Variants in BCAS3 observed in about 807,000 individuals in gnomAD.
BCAS3 encodes BCAS4/BCAS3 fusion.
Under a neutral mutation model 116.1 loss-of-function variants are expected in BCAS3, and 53 were observed. The observed-to-expected ratio is 0.46, with a 90% CI of 0.37 to 0.57. The LOEUF (loss-of-function observed/expected upper bound fraction) is 0.57, where lower values mean the gene tolerates loss of function less well. Among genes scored for constraint, BCAS3 ranks in the 20% least tolerant of loss-of-function variants. The probability of loss-of-function intolerance (pLI) is 0.00; values close to 1 mark genes in which losing one functional copy is unlikely to be tolerated. For missense variants in BCAS3, 917 were observed against 1,165.4 expected (o/e 0.79, Z 3.10); for synonymous variants, 391 against 408.2 (o/e 0.96, Z 0.51).
At chr17:60,881,076 G>A (rs531104796) in intron 9 of BCAS3, among the ~76,000 whole-genome samples, 1 of 152,282 alleles carries the variant, frequency 6.6e-6, no homozygotes, top group African/African-American at 2.4e-5. Context: ...CTGGGTTCAC[G>A]CCATTCTCCT....
intron 7 of BCAS3, among the ~76,000 whole-genome samples, chr17:60,819,096 A>G (rs1430326522): frequency 6.6e-6 from 1 of 152,162 alleles, no homozygotes; most frequent in East Asian, 1.9e-4. Flanking sequence ...GTTTTTTATA[A>G]TATGTCTTAA....
At chr17:61,223,238 A>G (rs763740680) in intron 22 of BCAS3, among the ~76,000 whole-genome samples, 9 of 140,682 alleles carry the variant, frequency 6.4e-5, no homozygotes, top group African/African-American at 1.7e-4. Flanking sequence ...GCTCACTGCA[A>G]CCTCCACCTC....
Position 61,026,568 on chromosome 17 carries a change from A to G in BCAS3, c.1638-8098A>G, listed in dbSNP as rs1204732802. 6.6e-6 allele frequency among the ~76,000 whole-genome samples: 1 copy of G among 152,034 alleles called. No individual in the cohort carries two copies. Among genetic ancestry groups the G allele is most frequent in the African/African-American group, 2.4e-5 (1 of 41,448 alleles). ...CCATTTAACTTATACCTTGTTTTAA[A>G]GGGCTTCAGCAGTGAATTTTATTTT... is the stretch of plus-strand genomic sequence containing the variant. On this transcript the variant is annotated intron_variant, in intron 16 of 23. Transcript: ENST00000407086. This position sits in a 1 kb window ranked among gnomAD's most constrained non-coding sequence, Gnocchi z 5.0.
chr17:61,372,342 C>T (rs903363382), intron 23 of BCAS3, among the ~76,000 whole-genome samples: 7 of 152,162 alleles, frequency 4.6e-5, no homozygotes, highest in Non-Finnish European at 7.3e-5. Flanking sequence ...CGTCCTTAGG[C>T]GTATTTCTCA....
At chr17:60,805,989 A>G (rs2048242372) in intron 6 of BCAS3, among the ~76,000 whole-genome samples, 1 of 150,024 alleles carries the variant, frequency 6.7e-6, no homozygotes, top group African/African-American at 2.5e-5. Context: ...CCTCCCAAGT[A>G]GCTGGGATTA....
chr17:60,787,984 G>T (rs914641902), intron 6 of BCAS3, among the ~76,000 whole-genome samples: 10 of 151,606 alleles, frequency 6.6e-5, no homozygotes, highest in African/African-American at 2.4e-4. Context: ...AGAGTTGCCA[G>T]AAACAACAAA....
At chr17:60,894,605 C>T (rs780192413) in intron 10 of BCAS3, among the ~76,000 whole-genome samples, 1 of 152,060 alleles carries the variant, frequency 6.6e-6, no homozygotes, top group African/African-American at 2.4e-5. Context: ...AGTACTGTGT[C>T]GAATACGAGT....
rs1049797449 is a variant in BCAS3, at chr17:61,171,677, G to A, written c.2425+87113G>A. On this transcript the variant is annotated intron_variant, in intron 22 of 23. Transcript: ENST00000407086. The surrounding 1 kb of genome is among the most constrained non-coding windows in gnomAD (Gnocchi z 4.1). ...CGTCTGTTGCCAAGGCTGATATGCA[G>A]TGACATGATTACAGCTCACTGCAGC... 3.3e-5 allele frequency among the ~76,000 whole-genome samples: 5 copies of A among 151,958 alleles called. No individual in the cohort carries two copies. The highest frequency in any genetic ancestry group is 1.3e-4 in the Admixed American group (2 of 15,262).
rs1193053592 is a variant in BCAS3 at position 61,343,397 on chromosome 17, G to A, written c.2426-24930G>A. Among the ~76,000 whole-genome samples, 6 of 152,250 alleles carry A rather than the reference G, an allele frequency of 3.9e-5. No individual in the cohort carries two copies. The highest frequency in any genetic ancestry group is 1.4e-4 in the African/African-American group (6 of 41,464). On this transcript the variant is annotated intron_variant, in intron 22 of 23. Coordinates refer to ENST00000407086, the MANE Select transcript of BCAS3 (RefSeq NM_017679.5). This position sits in a 1 kb window ranked among gnomAD's most constrained non-coding sequence, Gnocchi z 5.5. ...TCAGGCAGACACACCGACCCAGGCA[G>A]GAGCAGCGATCTGGCCATGGTTTAT...
At chr17:60,845,884 A>G (rs1457002132) in intron 7 of BCAS3, among the ~76,000 whole-genome samples, 3 of 146,380 alleles carry the variant, frequency 2.0e-5, no homozygotes, top group Non-Finnish European at 4.5e-5. Flanking sequence ...CTCCCACCTC[A>G]GCATTCTGAG....
At chr17:60,752,293 G>A (rs11657383) in intron 6 of BCAS3, among the ~76,000 whole-genome samples, 110,183 of 151,768 alleles carry the variant, frequency 0.73, 45,636 homozygotes, top group South Asian at 0.97. Flanking sequence ...TATTGTATGG[G>A]TATTTATATT....
rs2079758845 is a variant in BCAS3, at chr17:61,186,108, T to C, written c.2425+101544T>C. On this transcript the variant is annotated intron_variant, in intron 22 of 23. Transcript: ENST00000407086. This position sits in a 1 kb window ranked among gnomAD's most constrained non-coding sequence, Gnocchi z 4.9. ...CCTAATAGCCAATTGCTTTGAAAAA[T>C]GTAGTCCATCTTCTCTTTCTAGTGC... Among the ~76,000 whole-genome samples the C allele has an allele frequency of 1.3e-5, 2 of 152,294 alleles. No homozygotes were observed. The highest frequency in any genetic ancestry group is 3.4e-3 in the Middle Eastern group (1 of 294).
At chr17:61,345,229 T>C (rs369666430) in intron 22 of BCAS3, among the ~76,000 whole-genome samples, 1 of 152,194 alleles carries the variant, frequency 6.6e-6, no homozygotes, top group Non-Finnish European at 1.5e-5. Context: ...TCCTGCCTGC[T>C]CTCATCAGAG....
At position 61,103,154 on chromosome 17, in the gene BCAS3, C is replaced by T. The variant is rs138967112; in HGVS notation, c.2425+18590C>T. Among the ~76,000 whole-genome samples the T allele has an allele frequency of 9.9e-5, 15 of 152,212 alleles. No homozygotes were observed. In the East Asian group the frequency reaches 1.9e-3, roughly 20 times the overall value. On this transcript the variant is annotated intron_variant, in intron 22 of 23. Transcript: ENST00000407086. ...ATCCCAGAAATTATTCTCTTGTACC[C>T]GCATCCCTACCATTCAGTTCTTCCC...
Position 61,261,360 on chromosome 17 carries a change from G to A in BCAS3, c.2426-106967G>A, listed in dbSNP as rs991738263. ...GAGTTCTGCTTATTCTCTGCTGCAG[G>A]ATGCTACCCCCTGACCCTTTATAAG... On this transcript the variant is annotated intron_variant, in intron 22 of 23. Transcript: ENST00000407086. This position sits in a 1 kb window ranked among gnomAD's most constrained non-coding sequence, Gnocchi z 4.4. Among the ~76,000 whole-genome samples the A allele has an allele frequency of 2.6e-5, 4 of 152,184 alleles. No individual in the cohort carries two copies. Among genetic ancestry groups the A allele is most frequent in the Non-Finnish European group, 5.9e-5 (4 of 68,032 alleles).
At chr17:60,925,479 A>G (rs1238603148) in intron 13 of BCAS3, among the ~76,000 whole-genome samples, 1 of 152,218 alleles carries the variant, frequency 6.6e-6, no homozygotes, top group Admixed American at 6.5e-5. Flanking sequence ...GGTTTTTCTT[A>G]TGGAGATTAA....
intron 21 of BCAS3, among the ~76,000 whole-genome samples, chr17:61,079,880 G>GTTT (rs1220506622): frequency 4.2e-5 from 5 of 118,954 alleles, no homozygotes; most frequent in East Asian, 2.8e-4. Flanking sequence ...ACAGGCATGA[G>GTTT]TATTTTTTTT....
chr17:60,881,480 T>C (rs1422044659), intron 9 of BCAS3, among the ~76,000 whole-genome samples: 1 of 152,000 alleles, frequency 6.6e-6, no homozygotes, highest in Non-Finnish European at 1.5e-5. Context: ...AGGGTACATG[T>C]GCACATTGTG....
rs1183892702 is a variant in BCAS3 at position 61,378,704 on chromosome 17, T to C, written c.2593+10210T>C. 6.6e-6 allele frequency: 1 copy of C among 152,232 alleles called. No individual in the cohort carries two copies. Among genetic ancestry groups the C allele is most frequent in the Admixed American group, 6.5e-5 (1 of 15,280 alleles). The allele number at this position is 152,232 out of a possible 1,614,324, so 9.4% of individuals were successfully genotyped here. A position where few individuals can be genotyped will look rare whatever the true frequency, so the allele number is the denominator to read the frequency against. ...TGTTGAGTGACTGGATGGGTTTCTG[T>C]GGCCCCTGAGAGGTAAATGAAAGCC... On this transcript the variant is annotated intron_variant, in intron 23 of 23. Transcript: ENST00000407086. The surrounding 1 kb of genome is among the most constrained non-coding windows in gnomAD (Gnocchi z 5.8).
Sources: allele counts gnomAD v4.1 joint callset (sites outside exome capture counted in the v4.1 genomes callset), GRCh38; gene constraint gnomAD v4.1.1; non-coding constraint Gnocchi (gnomAD v3.1); transcripts MANE v1.5; gene names NCBI Gene and HGNC (gene_info 2026-07-23, HGNC 2026-07-21).